The following KCNAB1 variants were observed in gnomAD, a reference collection of about 807,000 sequenced individuals.
KCNAB1 encodes voltage-gated potassium channel subunit beta-1.
Under a neutral mutation model 64.6 loss-of-function variants are expected in KCNAB1, and 35 were observed. The ratio of observed to expected loss-of-function variants is 0.54; its 90% CI spans 0.41 to 0.72. The LOEUF (loss-of-function observed/expected upper bound fraction) is 0.72. Among genes scored for constraint, KCNAB1 ranks in the 30% least tolerant of loss-of-function variants. The pLI, the probability that KCNAB1 is intolerant of heterozygous loss-of-function variation, is 0.00. For synonymous variants in KCNAB1, 177 were observed against 183.8 expected, an observed-to-expected ratio of 0.96 and a Z score of 0.30; for missense variants, 401 against 512.9, an observed-to-expected ratio of 0.78 and a Z score of 2.11.
intron 1 of KCNAB1, among the ~76,000 whole-genome samples, chr3:156,255,960 C>T (rs1008149622): frequency 1.3e-5 from 2 of 152,136 alleles, no homozygotes; most frequent in African/African-American, 4.8e-5. Context: ...TTCTTCTGTT[C>T]CTAGCACCTG....
In KCNAB1 at chr3:156,158,171, AAAAAT is replaced by A. The variant is rs1377914052; in HGVS notation, c.275+37290_275+37294del. ...CAGAGCGAAACTCTGTCTCAAAAAA[AAAAAT>A]AAAAAATAAATAAATAAATAAATAA... On this transcript the variant is annotated intron_variant, in intron 1 of 13. Coordinates refer to ENST00000490337, the MANE Select transcript of KCNAB1 (RefSeq NM_172160.3). Among the ~76,000 whole-genome samples the A allele has an allele frequency of 1.5e-3, 129 of 84,752 alleles. 6 individuals carry two copies. In the East Asian group the frequency reaches 0.016, roughly 11 times the overall value. 55.6% of individuals were successfully genotyped at this position (84,752 alleles called of 152,430 possible). A position where few individuals can be genotyped will look rare whatever the true frequency, so the allele number is the denominator to read the frequency against.
At chr3:156,396,311 G>GA (rs767702376) in intron 1 of KCNAB1, among the ~76,000 whole-genome samples, 27 of 152,164 alleles carry the variant, frequency 1.8e-4, no homozygotes, top group Non-Finnish European at 3.5e-4. Context: ...GTTCTAAAAA[G>GA]AAAATAGAAA....
At chr3:156,466,570 T>C (rs79948983) in intron 7 of KCNAB1, among the ~76,000 whole-genome samples, 2,429 of 152,068 alleles carry the variant, frequency 0.016, 31 homozygotes, top group South Asian at 0.038. Context: ...TTTGGTTACA[T>C]GATGAATTGT....
At chr3:156,344,877 A>G (rs9843163) in intron 1 of KCNAB1, among the ~76,000 whole-genome samples, 23,425 of 152,094 alleles carry the variant, frequency 0.15, 4,483 homozygotes, top group African/African-American at 0.46. Flanking sequence ...GGCATCCGTG[A>G]CATATGCATC....
chr3:156,174,543 C>A (rs1011177312), intron 1 of KCNAB1, among the ~76,000 whole-genome samples: 3 of 152,214 alleles, frequency 2.0e-5, no homozygotes, highest in African/African-American at 7.2e-5. Flanking sequence ...AATGGGTGAG[C>A]CCTTCCCTGA....
intron 1 of KCNAB1, among the ~76,000 whole-genome samples, chr3:156,421,200 T>TA (rs2108226055): frequency 6.6e-6 from 1 of 152,316 alleles, no homozygotes; most frequent in East Asian, 1.9e-4. Flanking sequence ...TTCTGTGACC[T>TA]AAGTCTAGAC....
At chr3:156,394,766 T>C (rs1026153315) in intron 1 of KCNAB1, among the ~76,000 whole-genome samples, 1 of 152,240 alleles carries the variant, frequency 6.6e-6, no homozygotes, top group African/African-American at 2.4e-5. Context: ...TGCATATTTT[T>C]GTTTACCAGC....
chr3:156,228,717 GGTTGGA>G (rs1716336797), intron 1 of KCNAB1, among the ~76,000 whole-genome samples: 1 of 152,184 alleles, frequency 6.6e-6, no homozygotes, highest in South Asian at 2.1e-4. Context: ...CCTTGACCTA[GGTTGGA>G]GTCAATGGGG....
chr3:156,412,181 G>C (rs1462753719), intron 1 of KCNAB1, among the ~76,000 whole-genome samples: 1 of 152,090 alleles, frequency 6.6e-6, no homozygotes, highest in Non-Finnish European at 1.5e-5. Flanking sequence ...ATACCAATCA[G>C]TAGTTTATTC....
chr3:156,519,671 T>A (rs1171209917), intron 11 of KCNAB1, among the ~76,000 whole-genome samples: 1 of 152,248 alleles, frequency 6.6e-6, no homozygotes, highest in Non-Finnish European at 1.5e-5. Flanking sequence ...CAGCAATGAC[T>A]GCATCCATGG....
intron 1 of KCNAB1, among the ~76,000 whole-genome samples, chr3:156,380,929 C>G (rs1712107020): frequency 6.6e-6 from 1 of 151,954 alleles, no homozygotes; most frequent in East Asian, 1.9e-4. Flanking sequence ...AAACAAAGAG[C>G]CACTATAATA....
intron 1 of KCNAB1, among the ~76,000 whole-genome samples, chr3:156,257,674 T>C (rs1176349736): frequency 1.3e-5 from 2 of 152,112 alleles, no homozygotes; most frequent in Non-Finnish European, 2.9e-5. Flanking sequence ...TCACAGGGAG[T>C]TGGATTCAGG....
At chr3:156,362,087 C>G (rs1355619880) in intron 1 of KCNAB1, among the ~76,000 whole-genome samples, 1 of 152,194 alleles carries the variant, frequency 6.6e-6, no homozygotes, top group African/African-American at 2.4e-5. Context: ...GAGCTTATAT[C>G]TGTATCTATA....
intron 1 of KCNAB1, among the ~76,000 whole-genome samples, chr3:156,362,133 A>G (rs1460222798): frequency 1.3e-5 from 2 of 152,192 alleles, no homozygotes; most frequent in African/African-American, 4.8e-5. Flanking sequence ...ATCAACATCT[A>G]TATGCACATC....
At chr3:156,203,286 C>A (rs1171961670) in intron 1 of KCNAB1, among the ~76,000 whole-genome samples, 2 of 152,114 alleles carry the variant, frequency 1.3e-5, no homozygotes, top group Admixed American at 6.6e-5. Flanking sequence ...ATTCTCTGGT[C>A]CTATAAAAGT....
intron 1 of KCNAB1, among the ~76,000 whole-genome samples, chr3:156,294,305 A>C (rs1484543609): frequency 6.6e-6 from 1 of 152,220 alleles, no homozygotes; most frequent in African/African-American, 2.4e-5. Flanking sequence ...GTAACTAAAC[A>C]AGATGCCTCT....
chr3:156,169,738 C>T (rs558567780), intron 1 of KCNAB1, among the ~76,000 whole-genome samples: 21 of 152,202 alleles, frequency 1.4e-4, no homozygotes, highest in Non-Finnish European at 2.4e-4. Flanking sequence ...CCCCCACTTG[C>T]GCTCTTTCTC....
At chr3:156,231,807 G>A (rs781440154) in intron 1 of KCNAB1, among the ~76,000 whole-genome samples, 4 of 151,966 alleles carry the variant, frequency 2.6e-5, no homozygotes, top group South Asian at 2.1e-4. Flanking sequence ...CCTGGAAGCC[G>A]CCACTTTGAG....
chr3:156,535,315 A>G (rs1464404936), intron 13 of KCNAB1, among the ~76,000 whole-genome samples: 4 of 152,204 alleles, frequency 2.6e-5, no homozygotes, highest in Non-Finnish European at 5.9e-5. Context: ...GGTCGTCAGA[A>G]TTGTATTTCA....
Sources: allele counts gnomAD v4.1 joint callset (sites outside exome capture counted in the v4.1 genomes callset), GRCh38; gene constraint gnomAD v4.1.1; transcripts MANE v1.5; gene names NCBI Gene and HGNC (gene_info 2026-07-23, HGNC 2026-07-21).